SIPA1L1: variants seen among roughly 807,000 people sequenced by gnomAD.
The protein encoded by SIPA1L1 is signal induced proliferation associated 1 like 1, also known as signal-induced proliferation-associated 1-like protein 1.
Under a neutral mutation model 162.7 loss-of-function variants are expected in SIPA1L1, and 26 were observed. The ratio of observed to expected loss-of-function variants is 0.16; its 90% CI spans 0.12 to 0.22. SIPA1L1 has a LOEUF of 0.22. SIPA1L1 is among the 10% of genes least tolerant of loss of function. SIPA1L1 has a pLI of 1.00. For synonymous variants in SIPA1L1, 829 were observed against 837.4 expected (o/e 0.99, Z 0.17); for missense variants, 1,874 against 2,241.0 (o/e 0.84, Z 3.31).
chr14:71,473,232 T>TCCC (rs1488620828), intron 2 of SIPA1L1, among the ~76,000 whole-genome samples: 1 of 152,186 alleles, frequency 6.6e-6, no homozygotes, highest in African/African-American at 2.4e-5. Flanking sequence ...TACCTTTATT[T>TCCC]AATTAAAGGT....
intron 3 of SIPA1L1, among the ~76,000 whole-genome samples, chr14:71,526,860 C>T (rs977700242): frequency 6.6e-6 from 1 of 152,164 alleles, no homozygotes; most frequent in African/African-American, 2.4e-5. Context: ...TTTGCACATT[C>T]CCAGGAGGCA....
chr14:71,474,173 G>T (rs1414260559), intron 2 of SIPA1L1, among the ~76,000 whole-genome samples: 1 of 152,226 alleles, frequency 6.6e-6, no homozygotes, highest in Non-Finnish European at 1.5e-5. Context: ...TGAAGGTAAC[G>T]TAGATAATGC....
chr14:71,496,886 C>A (rs943659949), intron 2 of SIPA1L1, among the ~76,000 whole-genome samples: 2 of 152,048 alleles, frequency 1.3e-5, no homozygotes, highest in Non-Finnish European at 2.9e-5. Flanking sequence ...TAAAAATGAT[C>A]CTGGGCTGGG....
chr14:71,682,951 T>C (rs2045942134), intron 12 of SIPA1L1, among the ~76,000 whole-genome samples: 1 of 152,190 alleles, frequency 6.6e-6, no homozygotes, highest in Non-Finnish European at 1.5e-5. Context: ...CTCAGGAGTT[T>C]GAGACCAACC....
At chr14:71,387,003 CT>C (rs762767501) in intron 2 of SIPA1L1, among the ~76,000 whole-genome samples, 4 of 152,076 alleles carry the variant, frequency 2.6e-5, no homozygotes, top group Non-Finnish European at 5.9e-5. Context: ...AATCCCAGCA[CT>C]TTGGGAGGCC....
chr14:71,325,990 A>G (rs2033748202), intron 2 of SIPA1L1, among the ~76,000 whole-genome samples: 2 of 152,178 alleles, frequency 1.3e-5, no homozygotes, highest in Non-Finnish European at 1.5e-5. Flanking sequence ...CTCGGGGGTC[A>G]CTCAAAGGCA....
intron 2 of SIPA1L1, among the ~76,000 whole-genome samples, chr14:71,357,953 A>C (rs2037435399): frequency 6.6e-6 from 1 of 152,128 alleles, no homozygotes; most frequent in Non-Finnish European, 1.5e-5. Context: ...GTTGGTCTCG[A>C]ACTCCTGACC....
At chr14:71,337,600 G>C (rs1274974459) in intron 2 of SIPA1L1, among the ~76,000 whole-genome samples, 1 of 152,172 alleles carries the variant, frequency 6.6e-6, no homozygotes, top group Non-Finnish European at 1.5e-5. Flanking sequence ...GCATGGAAAA[G>C]ACCAGCATCC....
chr14:71,600,830 G>C (rs1048665055), intron 5 of SIPA1L1, among the ~76,000 whole-genome samples: 12 of 151,956 alleles, frequency 7.9e-5, no homozygotes, highest in African/African-American at 2.9e-4. Flanking sequence ...TTCTTTTCTT[G>C]TTTTTTGTTT....
chr14:71,730,838 C>G (rs1448309974), intron 20 of SIPA1L1, among the ~76,000 whole-genome samples: 2 of 152,218 alleles, frequency 1.3e-5, no homozygotes, highest in Admixed American at 1.3e-4. Context: ...CATGTTCTTG[C>G]ACCTGGTCCA....
chr14:71,331,313 G>A (rs980150106), intron 2 of SIPA1L1, among the ~76,000 whole-genome samples: 6 of 152,190 alleles, frequency 3.9e-5, no homozygotes, highest in South Asian at 2.1e-4. Context: ...TTCTGAAATC[G>A]GGAAGTATAA....
At chr14:71,693,714 TTTC>T (rs1410335877) in intron 13 of SIPA1L1, among the ~76,000 whole-genome samples, 1 of 149,562 alleles carries the variant, frequency 6.7e-6, no homozygotes, top group East Asian at 2.0e-4. Flanking sequence ...ATTTTTCTTT[TTTC>T]TTTTCTTTTT....
chr14:71,714,566 G>T (rs2083120877), intron 17 of SIPA1L1, among the ~76,000 whole-genome samples: 2 of 142,354 alleles, frequency 1.4e-5, no homozygotes, highest in South Asian at 4.8e-4. Context: ...AATCTCAAGA[G>T]ATTTCACAGC....
intron 7 of SIPA1L1, among the ~76,000 whole-genome samples, chr14:71,641,463 C>G (rs2041705658): frequency 6.6e-6 from 1 of 152,158 alleles, no homozygotes; most frequent in African/African-American, 2.4e-5. Flanking sequence ...TGGCTCATGC[C>G]TGTAATCCCA....
intron 7 of SIPA1L1, among the ~76,000 whole-genome samples, chr14:71,633,393 C>T (rs1418748391): frequency 2.6e-5 from 4 of 152,158 alleles, no homozygotes; most frequent in South Asian, 4.2e-4. Context: ...AGGATGGTCT[C>T]GATCTCTTGA....
intron 2 of SIPA1L1, among the ~76,000 whole-genome samples, chr14:71,341,650 CCTCT>C (rs924170695): frequency 3.3e-5 from 5 of 151,874 alleles, no homozygotes; most frequent in Non-Finnish European, 5.9e-5. Context: ...CTCATCCCTC[CCTCT>C]CTCTCTCCCC....
Position 71,425,873 on chromosome 14 carries a change from ATAGT to A in SIPA1L1, c.-464-86866_-464-86863del, listed in dbSNP as rs555373236. On this transcript the variant is annotated intron_variant, in intron 2 of 23. Transcript: ENST00000381232. ...TTTTAGATTTATTTTAGATATTTTG[ATAGT>A]TAGGTGAATAAATTTTTATAATGGT... Among the ~76,000 whole-genome samples the A allele has an allele frequency of 3.3e-3, 499 of 152,090 alleles. 5 individuals are homozygous for A. The highest frequency in any genetic ancestry group is 2.7e-3 in the Non-Finnish European group (181 of 67,986).
rs560373586 is a variant in SIPA1L1, at chr14:71,373,509, C to T, written c.-465+52328C>T. On this transcript the variant is annotated intron_variant, in intron 2 of 23. Coordinates refer to ENST00000381232, the MANE Select transcript of SIPA1L1 (RefSeq NM_001386936.1). ...GTGTGGTGGCTGGCGCCTGTAATCCCAGCTACCCGGGAGGCTGAGGTGGGA... is the reference window on the plus strand; with the variant it reads ...GTGTGGTGGCTGGCGCCTGTAATCCTAGCTACCCGGGAGGCTGAGGTGGGA... 3.3e-5 allele frequency among the ~76,000 whole-genome samples: 5 copies of T among 151,152 alleles called. No individual in the cohort carries two copies. In the South Asian group the frequency reaches 6.3e-4, roughly 19 times the overall value.
intron 5 of SIPA1L1, among the ~76,000 whole-genome samples, chr14:71,615,909 T>G (rs542169037): frequency 6.6e-6 from 1 of 152,250 alleles, no homozygotes; most frequent in South Asian, 2.1e-4. Flanking sequence ...GGCAAGAGAA[T>G]CGCTTGAACC....
Sources: allele counts gnomAD v4.1 joint callset (sites outside exome capture counted in the v4.1 genomes callset), GRCh38; gene constraint gnomAD v4.1.1; transcripts MANE v1.5; gene names NCBI Gene and HGNC (gene_info 2026-07-23, HGNC 2026-07-21).